The following ZNF69 variants were observed in gnomAD, a reference collection of about 807,000 sequenced individuals.
The protein encoded by ZNF69 is ZNF3.
In ZNF69, 47 loss-of-function variants were observed where a neutral mutation model predicts 50.9. The observed-to-expected ratio is 0.92, with a 90% CI of 0.73 to 1.18. The LOEUF (loss-of-function observed/expected upper bound fraction) is 1.18. ZNF69 is among the 50% of genes most tolerant of loss of function. ZNF69 has a pLI of 0.00. For synonymous variants in ZNF69, 216 were observed against 223.1 expected, an observed-to-expected ratio of 0.97 and a Z score of 0.29; for missense variants, 717 against 675.1, an observed-to-expected ratio of 1.06 and a Z score of -0.69.
chr19:11,962,588 C>CTCTT, the ZNF69 span, among the ~76,000 whole-genome samples: 1 of 149,564 alleles, frequency 6.7e-6, no homozygotes, highest in Non-Finnish European at 1.5e-5. Context: ...CTTGAACTCC[C>CTCTT]AGGCTCAAGT....
In ZNF69 at chr19:11,905,030, G is replaced by A. The variant is rs1972334336; in HGVS notation, c.633G>A (p.Val211=). The A allele has an allele frequency of 2.5e-6, 4 of 1,614,066 alleles. No individual in the cohort carries two copies. In the African/African-American group the frequency reaches 5.3e-5, roughly 22 times the overall value. Residue 211 remains valine (V), a synonymous_variant, in exon 4 of 4, where the codon GTG becomes GTA. Coordinates refer to ENST00000429654, the MANE Select transcript of ZNF69 (RefSeq NM_001364730.1). ...CCCATTCAAGCATTCAAAGACACGT[G>A]GTAATGCACAGTGGGGATGGACCTT... is the stretch of plus-strand genomic sequence containing the variant. The part of the protein sequence containing the change: ...FISHSSIQRH[V]VMHSGDGPYK...
the ZNF69 span, among the ~76,000 whole-genome samples, chr19:11,977,809 G>A: frequency 1.3e-5 from 2 of 152,216 alleles, no homozygotes. Flanking sequence ...GGTAAGCAAT[G>A]ATGATATCAC....
intron 1 of ZNF69, among the ~76,000 whole-genome samples, chr19:11,892,550 G>T (rs1977120754): frequency 6.6e-6 from 1 of 151,916 alleles, no homozygotes; most frequent in South Asian, 2.1e-4. Context: ...TTGATCTCAG[G>T]AGTTCAAGAC....
In ZNF69 at chr19:11,904,949, G is replaced by A. The variant is rs1257526111; in HGVS notation, c.552G>A (p.Arg184=). 6.2e-7 allele frequency: 1 copy of A among 1,613,950 alleles called. No individual in the cohort carries two copies. The highest frequency in any genetic ancestry group is 1.3e-5 in the African/African-American group (1 of 74,870). The change falls in exon 4 of 4, where the codon AGG becomes AGA. Residue 184 remains arginine (R), a synonymous_variant. Coordinates refer to ENST00000429654, the MANE Select transcript of ZNF69 (RefSeq NM_001364730.1). ...RYHPSFRTPQ[R]DHTGEKPYAC... is the part of the protein sequence containing the mutation. ...ACCCCTCCTTTAGAACACCACAAAG[G>A]GATCACACTGGAGAGAAACCCTATG...
At chr19:11,948,501 T>C in the ZNF69 span, 2 of 1,613,936 alleles carry the variant, frequency 1.2e-6, no homozygotes, top group African/African-American at 2.7e-5. Flanking sequence ...ATCAGGAATA[T>C]GGACCAAAGC....
chr19:11,890,951 G>A (rs1024534473), intron 1 of ZNF69, among the ~76,000 whole-genome samples: 2 of 152,062 alleles, frequency 1.3e-5, no homozygotes, highest in South Asian at 2.1e-4. Flanking sequence ...GATAGCAATG[G>A]CCCATTCAGG....
chr19:11,945,114 A>G, the ZNF69 span, among the ~76,000 whole-genome samples: 1 of 152,224 alleles, frequency 6.6e-6, no homozygotes, highest in East Asian at 1.9e-4. Context: ...GACACAGTGT[A>G]AAAGGCTTTG....
chr19:11,960,876 C>A, the ZNF69 span, among the ~76,000 whole-genome samples: 19 of 152,328 alleles, frequency 1.2e-4, 1 homozygote, highest in Middle Eastern at 3.4e-3. Context: ...TTGACTCTTG[C>A]TCCCCATCTG....
chr19:11,974,130 C>CTTT, the ZNF69 span, among the ~76,000 whole-genome samples: 1 of 82,206 alleles, frequency 1.2e-5, no homozygotes, highest in Non-Finnish European at 2.4e-5. Context: ...TCTTTCTTTT[C>CTTT]TTTCTTTCTT....
chr19:11,944,843 C>T, the ZNF69 span, among the ~76,000 whole-genome samples: 3 of 152,182 alleles, frequency 2.0e-5, no homozygotes, highest in Admixed American at 6.5e-5. Context: ...GTAGAAGTAC[C>T]GGCTTAACAA....
intron 4 of ZNF69, among the ~76,000 whole-genome samples, chr19:11,913,120 C>A (rs1451191416): frequency 1.3e-5 from 2 of 151,876 alleles, no homozygotes; most frequent in African/African-American, 4.8e-5. Context: ...TGGCATGAAT[C>A]CAGGAGGCAG....
chr19:11,934,913 G>A, the ZNF69 span, among the ~76,000 whole-genome samples: 1 of 146,110 alleles, frequency 6.8e-6, no homozygotes, highest in South Asian at 2.2e-4. Flanking sequence ...GGGTGCGGTG[G>A]CTCACGCCTG....
the ZNF69 span, among the ~76,000 whole-genome samples, chr19:11,941,297 ACTC>A: frequency 1.3e-5 from 2 of 152,112 alleles, no homozygotes; most frequent in African/African-American, 2.4e-5. Flanking sequence ...ATGCGCCCGC[ACTC>A]CTCAGCCCTT....
At chr19:11,896,483 C>A (rs957383058) in intron 1 of ZNF69, among the ~76,000 whole-genome samples, 13 of 152,046 alleles carry the variant, frequency 8.6e-5, no homozygotes, top group African/African-American at 3.1e-4. Flanking sequence ...AGGGAGCTGG[C>A]AGATCTAGTG....
In ZNF69 at chr19:11,905,039, C is replaced by T; in HGVS notation, c.642C>T (p.His214=). 1 of 1,614,148 alleles carries T rather than the reference C, an allele frequency of 6.2e-7. No individual in the cohort carries two copies. Among genetic ancestry groups the T allele is most frequent in the Non-Finnish European group, 8.5e-7 (1 of 1,180,024 alleles). ...GCATTCAAAGACACGTGGTAATGCA[C>T]AGTGGGGATGGACCTTATAAATGTA... ...HSSIQRHVVM[H]SGDGPYKCKF... is the part of the protein sequence containing the mutation. Residue 214 remains histidine, a synonymous_variant, in exon 4 of 4, where the codon CAC becomes CAT. Coordinates refer to ENST00000429654, the MANE Select transcript of ZNF69 (RefSeq NM_001364730.1).
At chr19:11,888,603 T>A (rs976077268) in intron 1 of ZNF69, among the ~76,000 whole-genome samples, 1 of 152,194 alleles carries the variant, frequency 6.6e-6, no homozygotes, top group East Asian at 1.9e-4. Context: ...GTTTTATTCA[T>A]TTTAGAGAGA....
At chr19:11,956,803 A>C in the ZNF69 span, among the ~76,000 whole-genome samples, 1 of 152,292 alleles carries the variant, frequency 6.6e-6, no homozygotes, top group Admixed American at 6.5e-5. Context: ...GCAGTGAGCC[A>C]AGATCACACC....
chr19:11,892,117 C>T (rs1173625751), intron 1 of ZNF69, among the ~76,000 whole-genome samples: 1 of 150,716 alleles, frequency 6.6e-6, no homozygotes, highest in Non-Finnish European at 1.5e-5. Flanking sequence ...TACAGTCGCC[C>T]ACCAGCACTC....
In ZNF69 at chr19:11,887,837, G is replaced by T; in HGVS notation, c.-87G>T. ...TTCCTTACCTCACCTTTGTCCCTGC[G>T]CGGGCTGCGGCTGGGATCCGGTCTT... On this transcript the variant is annotated 5_prime_UTR_variant, in exon 1 of 4. Transcript: ENST00000429654. The T allele has an allele frequency of 8.1e-7, 1 of 1,240,324 alleles. No individual in the cohort carries two copies. The allele number at this position is 1,240,324 out of a possible 1,614,324, so 76.8% of individuals were successfully genotyped here. A position where few individuals can be genotyped will look rare whatever the true frequency, so the allele number is the denominator to read the frequency against.
Sources: allele counts gnomAD v4.1 joint callset (sites outside exome capture counted in the v4.1 genomes callset), GRCh38; gene constraint gnomAD v4.1.1; transcripts MANE v1.5; gene names NCBI Gene and HGNC (gene_info 2026-07-23, HGNC 2026-07-21).